Variants in TAS2R1 observed in about 807,000 individuals in gnomAD.
The protein encoded by TAS2R1 is taste receptor type 2 member 1.
For synonymous variants in TAS2R1, 141 were observed against 134.2 expected (o/e 1.05, Z -0.35); for missense variants, 370 against 353.4 (o/e 1.05, Z -0.38).
upstream of TAS2R1, among the ~76,000 whole-genome samples, chr5:9,634,299 T>C (rs1008028609): frequency 6.6e-6 from 1 of 152,216 alleles, no homozygotes; most frequent in Non-Finnish European, 1.5e-5. Context: ...CATTGGTCTA[T>C]GTGCCTGTTT....
At chr5:9,657,180 T>C (rs1168905333) in intron 2 of TAS2R1, among the ~76,000 whole-genome samples, 1 of 152,040 alleles carries the variant, frequency 6.6e-6, no homozygotes, top group Admixed American at 6.6e-5. Flanking sequence ...TATGCATGAG[T>C]TTTTTTAATT....
chr5:9,895,425 A>G, the TAS2R1 span, among the ~76,000 whole-genome samples: 1 of 152,198 alleles, frequency 6.6e-6, no homozygotes, highest in Non-Finnish European at 1.5e-5. Flanking sequence ...CACCCCCTGT[A>G]GTGATGTAGC....
chr5:9,892,481 GA>G, the TAS2R1 span, among the ~76,000 whole-genome samples: 1 of 152,088 alleles, frequency 6.6e-6, no homozygotes, highest in Non-Finnish European at 1.5e-5. Flanking sequence ...ATTTCCCAGG[GA>G]ACTTCAGGTG....
the TAS2R1 span, among the ~76,000 whole-genome samples, chr5:9,892,174 C>T: frequency 6.6e-6 from 1 of 152,138 alleles, no homozygotes; most frequent in Non-Finnish European, 1.5e-5. Context: ...TATCCTCTTC[C>T]TAATGTAGAG....
intron 2 of TAS2R1, among the ~76,000 whole-genome samples, chr5:9,646,082 G>T (rs1380881649): frequency 6.6e-6 from 1 of 152,150 alleles, no homozygotes; most frequent in Non-Finnish European, 1.5e-5. Context: ...CAGTCATTTA[G>T]TGAAGTAACT....
At chr5:9,828,853 T>C in the TAS2R1 span, among the ~76,000 whole-genome samples, 2 of 152,232 alleles carry the variant, frequency 1.3e-5, no homozygotes, top group Non-Finnish European at 2.9e-5. Flanking sequence ...AGATGATATG[T>C]CAACCTTGAA....
At position 9,627,573 on chromosome 5, in the gene TAS2R1, C is replaced by T. The variant is rs1046353027; in HGVS notation, c.*1560G>A. 1.2e-4 allele frequency among the ~76,000 whole-genome samples: 19 copies of T among 152,136 alleles called. No homozygotes were observed. Among genetic ancestry groups the T allele is most frequent in the East Asian group, 9.6e-4 (5 of 5,200 alleles). On this transcript the variant is annotated 3_prime_UTR_variant, in exon 1 of 1. Coordinates refer to ENST00000382492, the MANE Select transcript of TAS2R1 (RefSeq NM_019599.3). Reference sequence around the variant, plus strand: ...AATTGCTCCCACTCTTTCAGGTACACGTATCACAGATTCAAGGAACAGAAT... The same window carrying T: ...AATTGCTCCCACTCTTTCAGGTACATGTATCACAGATTCAAGGAACAGAAT...
intron 1 of TAS2R1, among the ~76,000 whole-genome samples, chr5:9,668,078 A>T (rs1740674828): frequency 6.6e-6 from 1 of 152,192 alleles, no homozygotes; most frequent in Non-Finnish European, 1.5e-5. Flanking sequence ...AAAGAACCAA[A>T]CTGATCTGAT....
rs186277221 is a variant in TAS2R1 at position 9,628,912 on chromosome 5, T to C, written c.*221A>G. The C allele has an allele frequency of 2.1e-3, 872 of 421,510 alleles. 1 individual carries two copies. The highest frequency in any genetic ancestry group is 8.4e-3 in the South Asian group (95 of 11,316). 26.1% of individuals were successfully genotyped at this position (421,510 alleles called of 1,614,324 possible). A position where few individuals can be genotyped will look rare whatever the true frequency, so the allele number is the denominator to read the frequency against. ...ATAGTACAATATCACTACCAGGATATTGAAATTGATGTAATCCATCAACAT... is the reference window on the plus strand; with the variant it reads ...ATAGTACAATATCACTACCAGGATACTGAAATTGATGTAATCCATCAACAT... On this transcript the variant is annotated 3_prime_UTR_variant, in exon 1 of 1. Transcript: ENST00000382492.
the TAS2R1 span, among the ~76,000 whole-genome samples, chr5:9,880,053 A>G: frequency 2.0e-5 from 3 of 152,230 alleles, no homozygotes; most frequent in Non-Finnish European, 4.4e-5. Context: ...TATGCTTAAC[A>G]TACTCGAGTT....
chr5:9,879,978 G>T, the TAS2R1 span, among the ~76,000 whole-genome samples: 1 of 152,074 alleles, frequency 6.6e-6, no homozygotes, highest in Non-Finnish European at 1.5e-5. Flanking sequence ...CCCCTGCAGG[G>T]TTTGCTTGAT....
At chr5:9,694,621 A>G (rs1741322123) in intron 1 of TAS2R1, among the ~76,000 whole-genome samples, 1 of 152,178 alleles carries the variant, frequency 6.6e-6, no homozygotes, top group Admixed American at 6.5e-5. Flanking sequence ...GTCTGTTCTT[A>G]ATTGTAGATC....
the TAS2R1 span, among the ~76,000 whole-genome samples, chr5:9,859,158 A>T: frequency 6.6e-6 from 1 of 152,236 alleles, no homozygotes. Flanking sequence ...TCCTCACCTC[A>T]TAGCAGTCTC....
chr5:9,847,418 C>T, the TAS2R1 span, among the ~76,000 whole-genome samples: 2 of 152,116 alleles, frequency 1.3e-5, no homozygotes, highest in Non-Finnish European at 2.9e-5. Flanking sequence ...AATTGGTTTC[C>T]TTGGCCCTGG....
At chr5:9,747,022 C>G in the TAS2R1 span, among the ~76,000 whole-genome samples, 1 of 152,106 alleles carries the variant, frequency 6.6e-6, no homozygotes, top group African/African-American at 2.4e-5. Context: ...TTTCAAGGAA[C>G]AGGACAGAAG....
At chr5:9,801,192 A>T in the TAS2R1 span, among the ~76,000 whole-genome samples, 2 of 152,328 alleles carry the variant, frequency 1.3e-5, no homozygotes, top group South Asian at 4.1e-4. Context: ...GAGAAACCAG[A>T]TGTTCCTTCT....
the TAS2R1 span, chr5:9,889,584 C>T: frequency 1.3e-5 from 2 of 152,098 alleles, no homozygotes; most frequent in East Asian, 1.9e-4. Flanking sequence ...CGGGGGGTAA[C>T]CAGATTTGCA....
chr5:9,901,783 C>T, the TAS2R1 span, among the ~76,000 whole-genome samples: 16 of 152,174 alleles, frequency 1.1e-4, no homozygotes, highest in Admixed American at 2.0e-4. Flanking sequence ...ATTTATTTTC[C>T]GGAGAAAAAG....
intron 1 of TAS2R1, among the ~76,000 whole-genome samples, chr5:9,664,232 T>G (rs1740589415): frequency 6.6e-6 from 1 of 152,102 alleles, no homozygotes; most frequent in Non-Finnish European, 1.5e-5. Flanking sequence ...TAACACTATC[T>G]AGAATTCATT....
Sources: allele counts gnomAD v4.1 joint callset (sites outside exome capture counted in the v4.1 genomes callset), GRCh38; gene constraint gnomAD v4.1.1; transcripts MANE v1.5; gene names NCBI Gene and HGNC (gene_info 2026-07-23, HGNC 2026-07-21).